The following ATP7B variants were observed in gnomAD, a reference collection of about 807,000 sequenced individuals.
ATP7B encodes the protein copper-transporting ATPase 2.
A neutral mutation model predicts 118.9 loss-of-function variants in ATP7B; 113 were observed. The observed-to-expected ratio is 0.95, with a 90% CI of 0.82 to 1.11. The LOEUF (loss-of-function observed/expected upper bound fraction) is 1.11, where lower values mean the gene tolerates loss of function less well. ATP7B is among the 50% of genes most tolerant of loss of function. The probability of loss-of-function intolerance (pLI) is 0.00; values close to 1 mark genes in which losing one functional copy is unlikely to be tolerated. For missense variants in ATP7B, 1,867 were observed against 1,871.4 expected, an observed-to-expected ratio of 1.00 and a Z score of 0.04; for synonymous variants, 777 against 727.4, an observed-to-expected ratio of 1.07 and a Z score of -1.10.
chr13:52,004,655 C>T (rs991738387), intron 1 of ATP7B, among the ~76,000 whole-genome samples: 1 of 152,160 alleles, frequency 6.6e-6, no homozygotes, highest in Admixed American at 6.5e-5. Flanking sequence ...GGCCTTTCTA[C>T]TTTAACCAAT....
At position 51,958,438 on chromosome 13, in the gene ATP7B, TA is replaced by T. The variant is rs1958499462; in HGVS notation, c.2227del (p.Tyr743IlefsTer19). On this transcript the variant is annotated frameshift_variant, in exon 8 of 21. Coordinates refer to ENST00000242839, the MANE Select transcript of ATP7B (RefSeq NM_000053.4). LOFTEE classifies it high-confidence loss of function. ...IVLATSIAYV[Y>X]SLVILVVAVA... The stretch of plus-strand genomic sequence containing the variant: ...AGCAACCACCAGGATGACCAGAGAA[TA>T]AACATAAGCAATGCTTGTGGCCAGG... The T allele has an allele frequency of 2.5e-6, 4 of 1,614,192 alleles. No individual in the cohort carries two copies. The highest frequency in any genetic ancestry group is 3.4e-6 in the Non-Finnish European group (4 of 1,180,040).
chr13:51,984,231 G>A (rs758072993), intron 1 of ATP7B, among the ~76,000 whole-genome samples: 1 of 152,014 alleles, frequency 6.6e-6, no homozygotes, highest in Non-Finnish European at 1.5e-5. Flanking sequence ...ATGACCTGAT[G>A]GAGCTGAAAA....
intron 1 of ATP7B, among the ~76,000 whole-genome samples, chr13:52,008,208 C>T (rs535959881): frequency 3.9e-5 from 6 of 152,116 alleles, no homozygotes; most frequent in South Asian, 4.1e-4. Context: ...GGTGTGGTGG[C>T]GTGCGCCTGT....
At chr13:51,970,897 C>T in intron 2 of ATP7B, 148 bp from the exon 3 acceptor site, 1 of 562,042 alleles carries the variant, frequency 1.8e-6, no homozygotes, top group Non-Finnish European at 3.1e-6. Context: ...CTACCTTGTC[C>T]CTCAGCCATC....
intron 5 of ATP7B, among the ~76,000 whole-genome samples, chr13:51,962,664 A>AT (rs1426199508): frequency 6.6e-6 from 1 of 152,172 alleles, no homozygotes; most frequent in Non-Finnish European, 1.5e-5. Flanking sequence ...CAGCCTAATT[A>AT]TATTAGCAAA....
chr13:51,970,473 A>G lies in ATP7B; in HGVS notation c.1543+19T>C, dbSNP rs375016472. On this transcript the variant is annotated intron_variant, in intron 3 of 20. Transcript: ENST00000242839. ...TATACGCAGCATTCCTAAGTTCAAC[A>G]TGGGCGTTCATCTCTTACCAGCTTC... The G allele has an allele frequency of 3.7e-6, 6 of 1,614,042 alleles. No individual in the cohort carries two copies. The highest frequency in any genetic ancestry group is 1.1e-5 in the South Asian group (1 of 91,078).
chr13:51,958,826 A>T (rs1958534336), intron 7 of ATP7B: 1 of 484,326 alleles, frequency 2.1e-6, no homozygotes, highest in Admixed American at 3.3e-5. Context: ...GAAAAAAATC[A>T]CGACTCATTT....
At chr13:51,992,936 C>T (rs758419718) in intron 1 of ATP7B, among the ~76,000 whole-genome samples, 11 of 134,248 alleles carry the variant, frequency 8.2e-5, no homozygotes, top group Non-Finnish European at 1.6e-4. Flanking sequence ...CAAGATTACG[C>T]CACTGCACTC....
At chr13:52,007,400 C>T (rs1310249231) in intron 1 of ATP7B, among the ~76,000 whole-genome samples, 1 of 152,204 alleles carries the variant, frequency 6.6e-6, no homozygotes, top group Non-Finnish European at 1.5e-5. Flanking sequence ...GTTTCCCCAT[C>T]TGTAAAGCAA....
chr13:51,934,827 C>T lies in ATP7B; in HGVS notation c.4327G>A (p.Ala1443Thr), dbSNP rs764383437. 8.1e-6 allele frequency: 13 copies of T among 1,614,080 alleles called. No homozygotes were observed. The highest frequency in any genetic ancestry group is 2.7e-5 in the African/African-American group (2 of 74,952). The change falls in exon 21 of 21, where the codon GCT (alanine) becomes ACT (threonine). Residue 1443 changes from alanine (A) to threonine (T), a missense_variant. Ala to Thr is a moderately conservative substitution (Grantham distance 58, BLOSUM62 0). Coordinates refer to ENST00000242839, the MANE Select transcript of ATP7B (RefSeq NM_000053.4). ...TTGTCCCCATCATCGTCTGCTGCAG[C>T]GCTGTGCCGAGATGGCTTGTCGGAC... ...LTSDKPSRHS[A>T]AADDDGDKWS...
At chr13:51,995,650 T>C (rs1023036086) in intron 1 of ATP7B, among the ~76,000 whole-genome samples, 2 of 152,182 alleles carry the variant, frequency 1.3e-5, no homozygotes, top group Non-Finnish European at 2.9e-5. Context: ...AGTGTCCTCC[T>C]AATTAGCAAG....
chr13:52,004,939 G>C (rs1346912643), intron 1 of ATP7B, among the ~76,000 whole-genome samples: 7 of 152,226 alleles, frequency 4.6e-5, no homozygotes, highest in Admixed American at 2.6e-4. Flanking sequence ...TGGACACCAA[G>C]GTTTATAGCC....
chr13:51,995,866 C>A (rs888490978), intron 1 of ATP7B, among the ~76,000 whole-genome samples: 2 of 152,184 alleles, frequency 1.3e-5, no homozygotes, highest in East Asian at 1.9e-4. Flanking sequence ...CCCATGCACA[C>A]CCTCACCCAG....
At chr13:51,973,792 A>G (rs998279621) in intron 2 of ATP7B, 143 bp downstream of exon 2, 1 of 1,250,352 alleles carries the variant, frequency 8.0e-7, no homozygotes, top group African/African-American at 1.5e-5. Context: ...CAAATTTAAC[A>G]TGCAAGGAAA....
At chr13:51,984,228 G>A (rs1391488176) in intron 1 of ATP7B, among the ~76,000 whole-genome samples, 2 of 152,056 alleles carry the variant, frequency 1.3e-5, no homozygotes, top group African/African-American at 4.8e-5. Flanking sequence ...TAAATGACCT[G>A]ATGGAGCTGA....
chr13:51,980,448 C>G (rs139310090), intron 1 of ATP7B, among the ~76,000 whole-genome samples: 1 of 151,984 alleles, frequency 6.6e-6, no homozygotes, highest in Non-Finnish European at 1.5e-5. Flanking sequence ...CCAAGTCACA[C>G]GAAATTTGCT....
At chr13:52,006,675 C>G (rs1179410278) in intron 1 of ATP7B, among the ~76,000 whole-genome samples, 1 of 152,226 alleles carries the variant, frequency 6.6e-6, no homozygotes, top group African/African-American at 2.4e-5. Flanking sequence ...GCCTGATAAA[C>G]AGGGTCTTCC....
chr13:51,963,767 A>G (rs1221414407), intron 5 of ATP7B, among the ~76,000 whole-genome samples: 1 of 147,488 alleles, frequency 6.8e-6, no homozygotes, highest in Admixed American at 6.8e-5. Context: ...AAACTCTCCA[A>G]GGCCGGGCAC....
At chr13:51,995,306 G>A in intron 1 of ATP7B, 2 of 985,270 alleles carry the variant, frequency 2.0e-6, no homozygotes, top group Non-Finnish European at 1.2e-6. Context: ...ATCTGCAATT[G>A]CACTGACCTG....
Sources: allele counts gnomAD v4.1 joint callset (sites outside exome capture counted in the v4.1 genomes callset), GRCh38; gene constraint gnomAD v4.1.1; transcripts MANE v1.5; gene names NCBI Gene and HGNC (gene_info 2026-07-23, HGNC 2026-07-21).